Variants in TERT observed in about 807,000 individuals in gnomAD.
TERT encodes telomerase catalytic subunit.
Under a neutral mutation model 104.0 loss-of-function variants are expected in TERT, and 42 were observed. The observed-to-expected ratio is 0.40, with a 90% CI of 0.32 to 0.52. TERT has a LOEUF of 0.52. TERT is among the 20% of genes least tolerant of loss of function. The pLI is 0.43. For synonymous variants in TERT, 781 were observed against 725.6 expected, an observed-to-expected ratio of 1.08 and a Z score of -1.23; for missense variants, 1,101 against 1,610.3, an observed-to-expected ratio of 0.68 and a Z score of 5.41.
At chr5:1,272,398 GC>G (rs1749114441) in intron 6 of TERT, 118 bp from the exon 7 acceptor site, 1 of 937,750 alleles carries the variant, frequency 1.1e-6, no homozygotes, top group Non-Finnish European at 1.7e-6. Context: ...GCGGGATGAA[GC>G]CCAGAGAGCG....
chr5:1,266,241 G>A (rs1424547040), intron 10 of TERT, among the ~76,000 whole-genome samples: 2 of 152,240 alleles, frequency 1.3e-5, no homozygotes, highest in African/African-American at 4.8e-5. Context: ...GTGCGTCTCT[G>A]CAGGACCAGG....
rs1259475033 is a variant in TERT, at chr5:1,255,981, A to G, written c.3033-570T>C. On this transcript the variant is annotated intron_variant, in intron 13 of 15. Transcript: ENST00000310581. This position sits in a 1 kb window ranked among gnomAD's most constrained non-coding sequence, Gnocchi z 6.9. ...TGTGTGTAGGTTAAGTTCCTACTAA[A>G]TGTTTCTTTCCAAGAAACTGCATTT... is the stretch of plus-strand genomic sequence containing the variant. 6.6e-6 allele frequency among the ~76,000 whole-genome samples: 1 copy of G among 151,722 alleles called. No individual in the cohort carries two copies. Among genetic ancestry groups the G allele is most frequent in the Non-Finnish European group, 1.5e-5 (1 of 67,968 alleles).
chr5:1,266,445 C>T lies in TERT; in HGVS notation c.2654+19G>A, dbSNP rs1748608861. On this transcript the variant is annotated intron_variant, in intron 10 of 15. Coordinates refer to ENST00000310581, the MANE Select transcript of TERT (RefSeq NM_198253.3). ...CACAGGCTGTGGAGGTCCCCACAGACACACGGCACGGGCCTCACCTGAGGA... is the reference window on the plus strand; with the variant it reads ...CACAGGCTGTGGAGGTCCCCACAGATACACGGCACGGGCCTCACCTGAGGA... 6.2e-7 allele frequency: 1 copy of T among 1,600,154 alleles called. No homozygotes were observed. Among genetic ancestry groups the T allele is most frequent in the Non-Finnish European group, 8.5e-7 (1 of 1,172,802 alleles).
chr5:1,278,587 A>T, intron 6 of TERT, 54 bp downstream of exon 6: 1 of 1,612,522 alleles, frequency 6.2e-7, no homozygotes. Flanking sequence ...TTCTAGACAC[A>T]TTCATATCCC....
chr5:1,279,166 T>C (rs549631851), intron 5 of TERT, 125 bp downstream of exon 5: 162 of 1,135,842 alleles, frequency 1.4e-4, no homozygotes, highest in Non-Finnish European at 1.9e-4. Context: ...TCCTCAACAG[T>C]GACAGGGTCA....
In TERT at chr5:1,268,384, A is replaced by T. The variant is rs914992494; in HGVS notation, c.2582+136T>A. On this transcript the variant is annotated intron_variant, in intron 9 of 15. Transcript: ENST00000310581. The surrounding 1 kb of genome is among the most constrained non-coding windows in gnomAD (Gnocchi z 5.5). Reference sequence around the variant, plus strand: ...ACCCCTCCCGTGCGGCTTCATACCAAGAAGGGGCTGCAACCTTGTCTGGTT... The same window carrying T: ...ACCCCTCCCGTGCGGCTTCATACCATGAAGGGGCTGCAACCTTGTCTGGTT... 1 of 718,436 alleles carries T rather than the reference A, an allele frequency of 1.4e-6. No homozygotes were observed. The highest frequency in any genetic ancestry group is 2.7e-5 in the East Asian group (1 of 36,476). The allele number at this position is 718,436 out of a possible 1,614,324, so 44.5% of individuals were successfully genotyped here.
rs199422304 is a variant in TERT, at chr5:1,264,546, G to T, written c.2701C>A (p.Arg901=). ...ACAGGGAAGTTCACCACTGTCTTCC[G>T]CAAGTTCACCACGCAGCCATACTCA... The part of the protein sequence containing the change: ...VPEYGCVVNL[R]KTVVNFPVED... Residue 901 remains arginine, a synonymous_variant, in exon 11 of 16, where the codon CGG becomes AGG. Transcript: ENST00000310581. 1.3e-5 allele frequency: 21 copies of T among 1,613,892 alleles called. No individual in the cohort carries two copies. Among genetic ancestry groups the T allele is most frequent in the East Asian group, 2.2e-5 (1 of 44,900 alleles).
rs922374936 is a variant in TERT, at chr5:1,255,399, A to G, written c.3045T>C (p.Cys1015=). The G allele has an allele frequency of 1.2e-6, 2 of 1,614,232 alleles. No homozygotes were observed. Among genetic ancestry groups the G allele is most frequent in the Non-Finnish European group, 1.7e-6 (2 of 1,180,034 alleles). The stretch of plus-strand genomic sequence containing the variant: ...GCTGATGAAATGGGAGCTGCAGCAC[A>G]CATGCGTGAAACCTGAGAGGATGGC... ...LLLQAYRFHA[C]VLQLPFHQQV... is the part of the protein sequence containing the mutation. The change falls in exon 14 of 16, where the codon TGT becomes TGC. Residue 1015 remains cysteine, a synonymous_variant. Transcript: ENST00000310581. This position sits in a 1 kb window ranked among gnomAD's most constrained non-coding sequence, Gnocchi z 6.9.
chr5:1,272,586 T>TG (rs1561198016), intron 6 of TERT, among the ~76,000 whole-genome samples: 3 of 16,582 alleles, frequency 1.8e-4, no homozygotes, highest in Non-Finnish European at 3.7e-4. Flanking sequence ...CATCAGACCC[T>TG]ACGACCGCCA....
chr5:1,267,091 G>C (rs1748663796), intron 9 of TERT, among the ~76,000 whole-genome samples: 1 of 152,212 alleles, frequency 6.6e-6, no homozygotes, highest in Non-Finnish European at 1.5e-5. Context: ...CCAAATCCCA[G>C]AGCAAGTTGT....
chr5:1,293,324 C>A lies in TERT; in HGVS notation c.1562G>T (p.Arg521Leu), dbSNP rs1060503002. The change falls in exon 2 of 16, where the codon CGC becomes CTC. Residue 521 changes from arginine (R) to leucine (L), a missense_variant. By Grantham distance (102) the Arg-to-Leu change is moderately radical. Around this residue, in one of 5 missense-constraint regions of TERT, gnomAD observed 504 missense variants for 544.6 expected, o/e 0.93. Transcript: ENST00000310581. ...KMSVRDCAWL[R>L]RSPGVGCVPA... ...CACCACCTCCTCACCTGGGCTCCTG[C>A]GCAGCCAAGCGCAGTCCCGCACGCT... The A allele has an allele frequency of 1.2e-6, 2 of 1,613,028 alleles. No homozygotes were observed. Among genetic ancestry groups the A allele is most frequent in the Non-Finnish European group, 1.7e-6 (2 of 1,179,998 alleles).
intron 7 of TERT, among the ~76,000 whole-genome samples, chr5:1,271,942 C>A (rs1048586853): frequency 6.6e-6 from 1 of 152,250 alleles, no homozygotes; most frequent in South Asian, 2.1e-4. Context: ...AAAGGCACTG[C>A]GGAACTGGAG....
chr5:1,293,768 G>A lies in TERT; in HGVS notation c.1118C>T (p.Pro373Leu), dbSNP rs1345893044. 6.4e-7 allele frequency: 1 copy of A among 1,555,154 alleles called. No individual in the cohort carries two copies. The highest frequency in any genetic ancestry group is 1.2e-5 in the South Asian group (1 of 84,394). Residue 373 changes from proline (P) to leucine (L), a missense_variant, in exon 2 of 16, where the codon CCA becomes CTA. Physicochemically the swap from Pro to Leu is moderately conservative, Grantham distance 98. Around this residue, in one of 5 missense-constraint regions of TERT, gnomAD observed 504 missense variants for 544.6 expected, o/e 0.93. Coordinates refer to ENST00000310581, the MANE Select transcript of TERT (RefSeq NM_198253.3). The stretch of plus-strand genomic sequence containing the variant: ...GCGGGGCAACCTGCGGGGAGTCCCT[G>A]GCATCCAGGGCCTGGAACCCAGAAA... ...TIFLGSRPWMPGTPRRLPRLP... is the reference protein window; with the variant it reads ...TIFLGSRPWMLGTPRRLPRLP...
chr5:1,294,190 C>G lies in TERT; in HGVS notation c.696G>C (p.Leu232=). The change falls in exon 2 of 16, where the codon CTG becomes CTC. Residue 232 remains leucine, a synonymous_variant. Coordinates refer to ENST00000310581, the MANE Select transcript of TERT (RefSeq NM_198253.3). The part of the protein sequence containing the change: ...RRRGGSASRS[L]PLPKRPRRGA... ...CACGCCTGGGCCTCTTGGGCAACGG[C>G]AGACTTCGGCTGGCACTGCCCCCGC... 6.3e-7 allele frequency: 1 copy of G among 1,582,094 alleles called. No individual in the cohort carries two copies.
At chr5:1,281,085 G>A (rs928187695) in intron 3 of TERT, among the ~76,000 whole-genome samples, 2 of 152,256 alleles carry the variant, frequency 1.3e-5, no homozygotes. Flanking sequence ...AACAGTCCCA[G>A]TAGTGACAAG....
chr5:1,258,228 G>A (rs548657715), intron 13 of TERT, among the ~76,000 whole-genome samples: 52 of 152,272 alleles, frequency 3.4e-4, no homozygotes, highest in Non-Finnish European at 3.8e-4. Context: ...CAAATCCTCC[G>A]GGCATCTGAT....
rs62332584 is a variant in TERT at position 1,287,684 on chromosome 5, G to T, written c.1574-5060C>A. 6.6e-6 allele frequency among the ~76,000 whole-genome samples: 1 copy of T among 151,842 alleles called. No individual in the cohort carries two copies. Among genetic ancestry groups the T allele is most frequent in the Non-Finnish European group, 1.5e-5 (1 of 67,988 alleles). ...ATCAGGAAGATAAAAATTCTACCAC[G>T]TGCATGCACCTAACAATGCCTCACA... On this transcript the variant is annotated intron_variant, in intron 2 of 15. Transcript: ENST00000310581. This position sits in a 1 kb window ranked among gnomAD's most constrained non-coding sequence, Gnocchi z 4.3.
intron 15 of TERT, 61 bp downstream of exon 15, chr5:1,254,307 A>G: frequency 6.2e-7 from 1 of 1,609,790 alleles, no homozygotes; most frequent in Non-Finnish European, 8.5e-7. Context: ...CGCCCCACAC[A>G]GGGCGTTCAA....
At chr5:1,275,426 C>T (rs970139583) in intron 6 of TERT, among the ~76,000 whole-genome samples, 7 of 151,894 alleles carry the variant, frequency 4.6e-5, no homozygotes, top group African/African-American at 7.2e-5. Flanking sequence ...GCCTCCAACT[C>T]GCAGGGGAAT....
Sources: allele counts gnomAD v4.1 joint callset (sites outside exome capture counted in the v4.1 genomes callset), GRCh38; gene constraint gnomAD v4.1.1; regional missense constraint gnomAD v4.1.1; non-coding constraint Gnocchi (gnomAD v3.1); transcripts MANE v1.5; gene names NCBI Gene and HGNC (gene_info 2026-07-23, HGNC 2026-07-21).